Variants in COL4A6 observed in about 807,000 individuals in gnomAD.
The protein encoded by COL4A6 is collagen alpha-6(IV) chain.
In COL4A6, 59 loss-of-function variants were observed where a neutral mutation model predicts 126.7. The observed-to-expected ratio is 0.47, with a 90% CI of 0.38 to 0.58. The LOEUF is 0.58. Ranked by LOEUF, COL4A6 falls within the 20% of genes least tolerant of loss-of-function variation. The pLI, the probability that COL4A6 is intolerant of heterozygous loss-of-function variation, is 0.00. For missense variants in COL4A6, 1,285 were observed against 1,337.3 expected (o/e 0.96, Z 0.61); for synonymous variants, 547 against 496.6 (o/e 1.10, Z -1.35).
At chrX:108,321,606 A>C (rs1468540195) in intron 2 of COL4A6, among the ~76,000 whole-genome samples, 1 of 111,651 alleles carries the variant, frequency 9.0e-6, no homozygotes, top group African/African-American at 3.3e-5. Flanking sequence ...CCAGATTAAA[A>C]AAACATCCTG....
intron 2 of COL4A6, among the ~76,000 whole-genome samples, chrX:108,402,805 T>C (rs1375565220): frequency 9.0e-6 from 1 of 111,287 alleles, no homozygotes; most frequent in Non-Finnish European, 1.9e-5. Flanking sequence ...AAACATGTTC[T>C]AGACGTATGG....
chrX:108,375,750 T>C (rs1447478183), intron 2 of COL4A6, among the ~76,000 whole-genome samples: 1 of 108,020 alleles, frequency 9.3e-6, no homozygotes, highest in Non-Finnish European at 1.9e-5. Context: ...ACAATCAGAA[T>C]AATCTCCGTT....
chrX:108,416,236 C>T (rs1397268048), intron 2 of COL4A6, among the ~76,000 whole-genome samples: 1 of 111,683 alleles, frequency 9.0e-6, no homozygotes, highest in Non-Finnish European at 1.9e-5. Flanking sequence ...ACTTTTGAGT[C>T]TCAGGTTTCT....
intron 2 of COL4A6, among the ~76,000 whole-genome samples, chrX:108,358,179 A>G (rs1021462721): frequency 3.6e-5 from 4 of 110,960 alleles, no homozygotes; most frequent in African/African-American, 1.3e-4. Flanking sequence ...TGTCTCCCCT[A>G]TCAGACTACA....
intron 2 of COL4A6, among the ~76,000 whole-genome samples, chrX:108,346,941 A>G (rs1219503427): frequency 8.9e-6 from 1 of 112,611 alleles, no homozygotes; most frequent in African/African-American, 3.2e-5. Flanking sequence ...CAGCAGTTCC[A>G]GAAGAATCAC....
At chrX:108,423,463 G>A (rs1298210942) in intron 2 of COL4A6, among the ~76,000 whole-genome samples, 1 of 111,880 alleles carries the variant, frequency 8.9e-6, no homozygotes, top group Non-Finnish European at 1.9e-5. Flanking sequence ...TTTCACAAAT[G>A]TAACAGTGGA....
intron 2 of COL4A6, among the ~76,000 whole-genome samples, chrX:108,396,418 T>C (rs966913453): frequency 1.3e-4 from 14 of 111,941 alleles, no homozygotes; most frequent in African/African-American, 3.9e-4. Flanking sequence ...TCTTAGTGTC[T>C]GTGCGCTGGT....
At chrX:108,371,081 C>A (rs963049277) in intron 2 of COL4A6, among the ~76,000 whole-genome samples, 5 of 110,339 alleles carry the variant, frequency 4.5e-5, no homozygotes, top group African/African-American at 1.7e-4. Flanking sequence ...TTCCTCAGAA[C>A]TTTGTTCAAA....
At chrX:108,264,217 C>T (rs1335701818) in intron 3 of COL4A6, among the ~76,000 whole-genome samples, 1 of 111,237 alleles carries the variant, frequency 9.0e-6, no homozygotes, top group Non-Finnish European at 1.9e-5. Flanking sequence ...ACTTTCAGTC[C>T]CAGCTTCTGT....
chrX:108,262,915 T>C lies in COL4A6; in HGVS notation c.145-41541A>G, dbSNP rs184762635. Among the ~76,000 whole-genome samples the C allele has an allele frequency of 4.5e-3, 504 of 111,460 alleles. 3 individuals carry two copies. The highest frequency in any genetic ancestry group is 0.015 in the African/African-American group (470 of 30,721). ...TATTTTTTTAAAAATAAACAAACCC[T>C]CATCAAAAACCTTTCTTTAGACTAG... On this transcript the variant is annotated intron_variant, in intron 3 of 44. Transcript: ENST00000334504.
chrX:108,221,128 A>G, intron 4 of COL4A6, 112 bp downstream of exon 4: 3 of 1,054,002 alleles, frequency 2.8e-6, no homozygotes, highest in Non-Finnish European at 4.0e-6. Context: ...GCAGCCTGGC[A>G]CCAAACTACT....
intron 2 of COL4A6, among the ~76,000 whole-genome samples, chrX:108,423,611 T>A (rs2064021045): frequency 9.0e-6 from 1 of 111,701 alleles, no homozygotes; most frequent in Admixed American, 9.5e-5. Context: ...AAGCTCTCAT[T>A]ATTAATAACA....
intron 3 of COL4A6, among the ~76,000 whole-genome samples, chrX:108,273,360 G>C (rs376852263): frequency 9.1e-6 from 1 of 109,711 alleles, no homozygotes; most frequent in African/African-American, 3.3e-5. Context: ...TGGAGAAATA[G>C]GAACACTTTT....
At chrX:108,218,394 C>T (rs139885282) in intron 5 of COL4A6, among the ~76,000 whole-genome samples, 173 of 112,581 alleles carry the variant, frequency 1.5e-3, no homozygotes, top group African/African-American at 5.3e-3. Context: ...CAACCCTGTC[C>T]GCTTATTTTC....
chrX:108,298,195 G>T (rs1436577883), intron 3 of COL4A6, among the ~76,000 whole-genome samples: 1 of 111,558 alleles, frequency 9.0e-6, no homozygotes, highest in Non-Finnish European at 1.9e-5. Context: ...AATGAGGGGG[G>T]TGTTTGGAAC....
intron 3 of COL4A6, among the ~76,000 whole-genome samples, chrX:108,297,258 T>C (rs945049788): frequency 8.9e-6 from 1 of 112,091 alleles, no homozygotes; most frequent in Non-Finnish European, 1.9e-5. Flanking sequence ...GCTTTAAAGG[T>C]ATTAGCCTAT....
chrX:108,405,009 A>T (rs1294590192), intron 2 of COL4A6, among the ~76,000 whole-genome samples: 1 of 110,858 alleles, frequency 9.0e-6, no homozygotes, highest in Non-Finnish European at 1.9e-5. Flanking sequence ...ACAAACATAC[A>T]ATGGAAAAAG....
At chrX:108,363,213 A>C (rs2040125876) in intron 2 of COL4A6, among the ~76,000 whole-genome samples, 1 of 111,409 alleles carries the variant, frequency 9.0e-6, no homozygotes, top group East Asian at 2.8e-4. Flanking sequence ...ATTATAGAGG[A>C]GGTTTGGTGA....
chrX:108,322,257 GTGCATT>G (rs1470103900), intron 2 of COL4A6, among the ~76,000 whole-genome samples: 1 of 111,596 alleles, frequency 9.0e-6, no homozygotes, highest in Non-Finnish European at 1.9e-5. Flanking sequence ...CATGTTTAAT[GTGCATT>G]TGCCTTTTAA....
Sources: allele counts gnomAD v4.1 joint callset (sites outside exome capture counted in the v4.1 genomes callset), GRCh38; gene constraint gnomAD v4.1.1; transcripts MANE v1.5; gene names NCBI Gene and HGNC (gene_info 2026-07-23, HGNC 2026-07-21).